GATAD2A: variants seen among roughly 807,000 people sequenced by gnomAD.
GATAD2A encodes the protein transcriptional repressor p66-alpha.
In GATAD2A, 12 loss-of-function variants were observed where a neutral mutation model predicts 68.5. The observed-to-expected ratio is 0.18, with a 90% confidence interval of 0.11 to 0.28. The LOEUF (loss-of-function observed/expected upper bound fraction) is 0.28. Among genes scored for constraint, GATAD2A ranks in the 10% least tolerant of loss-of-function variants. GATAD2A has a pLI of 1.00. For missense variants in GATAD2A, 755 were observed against 868.5 expected (o/e 0.87, Z 1.64); for synonymous variants, 410 against 375.3 (o/e 1.09, Z -1.07).
chr19:19,412,170 TG>T (rs1291227837), intron 1 of GATAD2A, among the ~76,000 whole-genome samples: 1 of 151,648 alleles, frequency 6.6e-6, no homozygotes, highest in Non-Finnish European at 1.5e-5. Flanking sequence ...TTAATTTTTT[TG>T]TTGAGACGGA....
chr19:19,466,134 G>A (rs1003616684), intron 2 of GATAD2A, among the ~76,000 whole-genome samples: 8 of 152,224 alleles, frequency 5.3e-5, no homozygotes, highest in South Asian at 2.1e-4. Context: ...GGCTTGCTCT[G>A]TTGGTTTGTC....
At chr19:19,398,469 G>A (rs1006498828) in intron 1 of GATAD2A, among the ~76,000 whole-genome samples, 2 of 151,972 alleles carry the variant, frequency 1.3e-5, no homozygotes, top group Admixed American at 6.5e-5. Context: ...CCAAAGTGCT[G>A]GGATTACAGG....
intron 1 of GATAD2A, among the ~76,000 whole-genome samples, chr19:19,391,635 G>T (rs1436112960): frequency 1.3e-5 from 2 of 151,136 alleles, no homozygotes; most frequent in Non-Finnish European, 3.0e-5. Context: ...TTTTAAACTT[G>T]TTTTTTTTTA....
At chr19:19,416,827 A>G (rs2051702841) in intron 1 of GATAD2A, among the ~76,000 whole-genome samples, 1 of 151,428 alleles carries the variant, frequency 6.6e-6, no homozygotes, top group Non-Finnish European at 1.5e-5. Context: ...CAATGGCTCT[A>G]TCTTGGCTCA....
chr19:19,443,890 C>T (rs1568290844), intron 1 of GATAD2A, among the ~76,000 whole-genome samples: 1 of 151,926 alleles, frequency 6.6e-6, no homozygotes, highest in Non-Finnish European at 1.5e-5. Flanking sequence ...AAACCATGAG[C>T]AGAGACTGGA....
chr19:19,389,086 C>T (rs1361085268), intron 1 of GATAD2A, among the ~76,000 whole-genome samples: 1 of 151,846 alleles, frequency 6.6e-6, no homozygotes, highest in African/African-American at 2.4e-5. Context: ...TTTTTAATGG[C>T]CCACCCTGGA....
At chr19:19,438,391 G>A (rs528896022) in intron 1 of GATAD2A, among the ~76,000 whole-genome samples, 98 of 152,274 alleles carry the variant, frequency 6.4e-4, no homozygotes, top group African/African-American at 2.3e-3. Context: ...GCCAGGTGTG[G>A]GCCACTGTGC....
At chr19:19,469,768 G>A (rs533979753) in intron 2 of GATAD2A, among the ~76,000 whole-genome samples, 1 of 152,158 alleles carries the variant, frequency 6.6e-6, no homozygotes, top group South Asian at 2.1e-4. Flanking sequence ...CCAATATGGT[G>A]AAACCCCGTC....
downstream of GATAD2A, chr19:19,508,932 ACTTTT>A (rs1310741041): frequency 6.6e-6 from 1 of 152,170 alleles, no homozygotes; most frequent in African/African-American, 2.4e-5. Context: ...TGTCAACTGG[ACTTTT>A]CTTTTGTCCC....
chr19:19,476,805 G>C (rs1176838508), intron 2 of GATAD2A, among the ~76,000 whole-genome samples: 1 of 152,210 alleles, frequency 6.6e-6, no homozygotes. Flanking sequence ...ACCCAGGGGG[G>C]CAGTGTTTTC....
chr19:19,442,325 G>T (rs1044886675), intron 1 of GATAD2A, among the ~76,000 whole-genome samples: 1 of 151,354 alleles, frequency 6.6e-6, no homozygotes, highest in African/African-American at 2.4e-5. Context: ...TGAGTTAGAT[G>T]TGTTAAAAAT....
intron 2 of GATAD2A, among the ~76,000 whole-genome samples, chr19:19,488,443 G>T (rs1010314003): frequency 3.9e-5 from 6 of 152,248 alleles, no homozygotes; most frequent in Admixed American, 3.9e-4. Flanking sequence ...GGCCTGTTCA[G>T]AGAACCACAA....
chr19:19,447,719 T>C (rs905216126), intron 1 of GATAD2A, among the ~76,000 whole-genome samples: 3 of 152,340 alleles, frequency 2.0e-5, no homozygotes, highest in African/African-American at 7.2e-5. Flanking sequence ...TCTGTGATGC[T>C]GCAGGATGCT....
chr19:19,429,418 G>A (rs1307263374), intron 1 of GATAD2A, among the ~76,000 whole-genome samples: 1 of 152,070 alleles, frequency 6.6e-6, no homozygotes, highest in Non-Finnish European at 1.5e-5. Flanking sequence ...TGGTTGGAGC[G>A]GGAGCATGGA....
chr19:19,477,542 A>G (rs1299201326), intron 2 of GATAD2A, among the ~76,000 whole-genome samples: 1 of 152,132 alleles, frequency 6.6e-6, no homozygotes, highest in Non-Finnish European at 1.5e-5. Flanking sequence ...ACTGCAGCCC[A>G]GAAATCATGG....
intron 1 of GATAD2A, among the ~76,000 whole-genome samples, chr19:19,422,224 C>G (rs180918723): frequency 5.3e-5 from 8 of 152,324 alleles, no homozygotes; most frequent in Non-Finnish European, 1.5e-5. Flanking sequence ...AAGGAAAACG[C>G]CATTTGAGGC....
rs553748588 is a variant in GATAD2A at position 19,501,582 on chromosome 19, T to C, written c.1503+166T>C. Among the ~76,000 whole-genome samples the C allele has an allele frequency of 2.2e-4, 34 of 152,374 alleles. No homozygotes were observed. The South Asian group carries it at 6.8e-3, about 31-fold the overall frequency. ...ACTAATTTGCAGTTTCTTTAGACTTTGTAGCTCTCACTTGCAGGCTGCCGG... is the reference window on the plus strand; with the variant it reads ...ACTAATTTGCAGTTTCTTTAGACTTCGTAGCTCTCACTTGCAGGCTGCCGG... On this transcript the variant is annotated intron_variant, in intron 9 of 11. Coordinates refer to ENST00000683918, the MANE Select transcript of GATAD2A (RefSeq NM_001384528.1).
chr19:19,398,256 T>G (rs2049419684), intron 1 of GATAD2A, among the ~76,000 whole-genome samples: 1 of 151,102 alleles, frequency 6.6e-6, no homozygotes, highest in Non-Finnish European at 1.5e-5. Context: ...CAGGCTGGAG[T>G]GCAGTGGTGT....
intron 1 of GATAD2A, among the ~76,000 whole-genome samples, chr19:19,452,232 C>T (rs2056464691): frequency 6.6e-6 from 1 of 152,154 alleles, no homozygotes; most frequent in Admixed American, 6.5e-5. Context: ...TTCATGGGCG[C>T]CATGTGTTCC....
Sources: gnomAD v4.1 joint callset for allele counts (sites outside exome capture counted in the v4.1 genomes callset) on GRCh38, gnomAD v4.1.1 for gene constraint, MANE v1.5 for transcripts, NCBI Gene and HGNC (gene_info 2026-07-23, HGNC 2026-07-21) for gene names.